The following ACOXL variants were observed in gnomAD, a reference collection of about 807,000 sequenced individuals.
The protein encoded by ACOXL is acyl-coenzyme A oxidase-like protein.
A neutral mutation model predicts 71.9 loss-of-function variants in ACOXL; 70 were observed. The ratio of observed to expected loss-of-function variants is 0.97; its 90% confidence interval spans 0.80 to 1.19. The LOEUF (loss-of-function observed/expected upper bound fraction) is 1.19, where lower values mean the gene tolerates loss of function less well. ACOXL is among the 50% of genes most tolerant of loss of function. The pLI is 0.00. For missense variants in ACOXL, 703 were observed against 736.3 expected (o/e 0.95, Z 0.52); for synonymous variants, 253 against 281.6 (o/e 0.90, Z 1.02).
At chr2:110,838,550 C>T (rs181471371) in intron 9 of ACOXL, among the ~76,000 whole-genome samples, 6 of 152,192 alleles carry the variant, frequency 3.9e-5, no homozygotes, top group Admixed American at 3.3e-4. Flanking sequence ...TGCTATGGTA[C>T]AGAAACCCCA....
intron 12 of ACOXL, among the ~76,000 whole-genome samples, chr2:110,979,595 G>A (rs11885635): frequency 0.06 from 9,169 of 152,256 alleles, 646 homozygotes; most frequent in East Asian, 0.35. Flanking sequence ...ACTCCACTGG[G>A]CCAGTTACAG....
At chr2:110,839,036 G>T (rs1690811877) in intron 9 of ACOXL, among the ~76,000 whole-genome samples, 1 of 152,188 alleles carries the variant, frequency 6.6e-6, no homozygotes, top group South Asian at 2.1e-4. Flanking sequence ...GCCAGGAAAA[G>T]ACTCATAAAA....
intron 16 of ACOXL, among the ~76,000 whole-genome samples, chr2:111,086,008 G>A (rs930581389): frequency 7.9e-5 from 12 of 152,084 alleles, no homozygotes; most frequent in African/African-American, 2.9e-4. Context: ...TCCCAAGGCT[G>A]AACTAGGAAG....
chr2:110,781,379 C>T (rs542035561), intron 2 of ACOXL, among the ~76,000 whole-genome samples: 2 of 151,574 alleles, frequency 1.3e-5, no homozygotes, highest in African/African-American at 2.4e-5. Context: ...CAGTCGTTCA[C>T]GCCTGTAATC....
intron 10 of ACOXL, among the ~76,000 whole-genome samples, chr2:110,852,527 C>A (rs985682847): frequency 6.6e-6 from 1 of 152,218 alleles, no homozygotes; most frequent in Non-Finnish European, 1.5e-5. Flanking sequence ...CTCCCTCAGT[C>A]ACCAAGATGC....
intron 10 of ACOXL, among the ~76,000 whole-genome samples, chr2:110,876,473 G>T (rs1336526506): frequency 6.6e-6 from 1 of 152,178 alleles, no homozygotes; most frequent in Non-Finnish European, 1.5e-5. Context: ...GAGGGAGCAG[G>T]CTGGGCAGAC....
intron 17 of ACOXL, among the ~76,000 whole-genome samples, chr2:111,094,789 A>G (rs56308728): frequency 0.16 from 24,056 of 152,154 alleles, 2,028 homozygotes; most frequent in Non-Finnish European, 0.18. Flanking sequence ...CTTCTGCTCA[A>G]TGTGGTGTCT....
intron 11 of ACOXL, among the ~76,000 whole-genome samples, chr2:110,921,883 C>T (rs570449313): frequency 1.3e-5 from 2 of 152,248 alleles, no homozygotes; most frequent in African/African-American, 4.8e-5. Flanking sequence ...CCTTTCCACC[C>T]CCGAATTATT....
At chr2:111,017,294 G>A (rs1460251432) in intron 14 of ACOXL, among the ~76,000 whole-genome samples, 1 of 152,208 alleles carries the variant, frequency 6.6e-6, no homozygotes, top group East Asian at 1.9e-4. Context: ...GACATTTGTT[G>A]AGTTCCTGCC....
At chr2:110,981,461 T>C (rs1033446901) in intron 12 of ACOXL, among the ~76,000 whole-genome samples, 1 of 152,160 alleles carries the variant, frequency 6.6e-6, no homozygotes, top group Non-Finnish European at 1.5e-5. Flanking sequence ...TATTGGACCA[T>C]GGGGTGAGCG....
At chr2:110,986,327 T>C (rs1469096326) in intron 12 of ACOXL, among the ~76,000 whole-genome samples, 4 of 152,258 alleles carry the variant, frequency 2.6e-5, no homozygotes, top group Admixed American at 1.3e-4. Context: ...CAGCTATCTA[T>C]TGATTTGTAA....
chr2:110,907,171 T>C (rs2059482477), intron 10 of ACOXL, among the ~76,000 whole-genome samples: 1 of 152,194 alleles, frequency 6.6e-6, no homozygotes, highest in Non-Finnish European at 1.5e-5. Context: ...GGCCGGCAGA[T>C]GGCTGACAGC....
chr2:111,000,403 A>G (rs1178855239), intron 14 of ACOXL, among the ~76,000 whole-genome samples: 2 of 152,202 alleles, frequency 1.3e-5, no homozygotes, highest in Non-Finnish European at 2.9e-5. Flanking sequence ...TCTCAAGGAA[A>G]GAGCTTTTAA....
chr2:110,763,884 G>A (rs1441969726), intron 1 of ACOXL, among the ~76,000 whole-genome samples: 3 of 152,096 alleles, frequency 2.0e-5, no homozygotes, highest in African/African-American at 7.2e-5. Context: ...ATGGGCCAAA[G>A]ACCTTAACAG....
intron 10 of ACOXL, among the ~76,000 whole-genome samples, chr2:110,868,345 T>C (rs768213928): frequency 1.9e-4 from 29 of 152,202 alleles, no homozygotes; most frequent in Non-Finnish European, 4.4e-5. Flanking sequence ...GAGTCTTTTC[T>C]CTGGATCTGG....
At chr2:110,921,701 C>A (rs1207873192) in intron 11 of ACOXL, among the ~76,000 whole-genome samples, 1 of 152,056 alleles carries the variant, frequency 6.6e-6, no homozygotes, top group Admixed American at 6.6e-5. Context: ...CCTTCCACCC[C>A]CCTCTCTTAA....
chr2:111,082,948 A>G (rs1333892726), intron 16 of ACOXL, among the ~76,000 whole-genome samples: 1 of 152,036 alleles, frequency 6.6e-6, no homozygotes, highest in Non-Finnish European at 1.5e-5. Flanking sequence ...AAAACCAAAC[A>G]TCACATGTTC....
chr2:111,049,548 T>A (rs934299053), intron 16 of ACOXL, among the ~76,000 whole-genome samples: 1 of 152,070 alleles, frequency 6.6e-6, no homozygotes, highest in African/African-American at 2.4e-5. Flanking sequence ...GCTCAGTTGG[T>A]TCTATTTAAA....
chr2:110,773,852 A>G (rs1284328668), intron 2 of ACOXL, among the ~76,000 whole-genome samples: 1 of 152,200 alleles, frequency 6.6e-6, no homozygotes, highest in African/African-American at 2.4e-5. Flanking sequence ...AGACAACAGG[A>G]CAGAGAGGTC....
Sources: allele counts gnomAD v4.1 joint callset (sites outside exome capture counted in the v4.1 genomes callset), GRCh38; gene constraint gnomAD v4.1.1; transcripts MANE v1.5; gene names NCBI Gene and HGNC (gene_info 2026-07-23, HGNC 2026-07-21).